The following TSPAN10 variants were observed in gnomAD, a reference collection of about 807,000 sequenced individuals.
TSPAN10 encodes tetraspanin-10.
In TSPAN10, 11 loss-of-function variants were observed where a neutral mutation model predicts 15.0. That is an observed-to-expected ratio of 0.73 (90% CI 0.46 to 1.21). The LOEUF (loss-of-function observed/expected upper bound fraction) is 1.21. Among genes scored for constraint, TSPAN10 ranks in the 50% most tolerant of loss-of-function variants. The probability of loss-of-function intolerance (pLI) is 0.00; values close to 1 mark genes in which losing one functional copy is unlikely to be tolerated. For missense variants in TSPAN10, 486 were observed against 470.6 expected (o/e 1.03, Z -0.30); for synonymous variants, 241 against 226.2 (o/e 1.07, Z -0.59).
At chr17:81,642,283 T>A (rs150474801), upstream of TSPAN10, 1,303 of 1,017,172 alleles carry the variant, frequency 1.3e-3, 14 homozygotes, top group African/African-American at 0.019. Context: ...CCCATTCCCA[T>A]GCCCAGGGCT....
chr17:81,647,848 C>G (rs1180089601), intron 2 of TSPAN10, 53 bp from the exon 4 acceptor site: 63 of 1,557,674 alleles, frequency 4.0e-5, no homozygotes, highest in Non-Finnish European at 5.3e-5. Context: ...TGTGCCTGGT[C>G]CCAGAAGAGC....
Position 81,645,573 on chromosome 17 carries a change from C to T in TSPAN10, c.618C>T (p.Val206=), listed in dbSNP as rs35665020. 8,583 of 1,612,526 alleles carry T rather than the reference C, an allele frequency of 5.3e-3. 47 individuals carry two copies. Among genetic ancestry groups the T allele is most frequent in the Middle Eastern group, 8.7e-3 (53 of 6,060 alleles). ...ACCTGCGCTTCCTCCTCGACCAAGT[C>T]CAGCTCGGGCTGAGGTGCTGCGGAG... Residue 206 remains valine (V), a synonymous_variant, in exon 2 of 3, where the codon GTC becomes GTT. Transcript: ENST00000611590.
exon 3 of TSPAN10, chr17:81,648,049 T>A: frequency 6.3e-7 from 1 of 1,588,910 alleles, no homozygotes; most frequent in Non-Finnish European, 8.5e-7. Flanking sequence ...GAGAGTGGTG[T>A]ACCTGGAGGG....
At chr17:81,645,412 T>G in exon 2 of TSPAN10, 1 of 1,603,648 alleles carries the variant, frequency 6.2e-7, no homozygotes, top group Non-Finnish European at 8.5e-7. Context: ...GTTACGTGGC[T>G]TCTCTGGGGG....
At chr17:81,645,115 C>T (rs1271963200) in exon 2 of TSPAN10, 7 of 1,586,072 alleles carry the variant, frequency 4.4e-6, no homozygotes, top group African/African-American at 1.4e-5. Flanking sequence ...GGAGACCAAG[C>T]ACCAGGCCTT....
At chr17:81,638,994 C>T (rs7220155), upstream of TSPAN10, 77,015 of 151,772 alleles carry the variant, frequency 0.51, 21,444 homozygotes, top group East Asian at 0.99. Context: ...AGGGCTGTTA[C>T]CATCTTTGTT....
upstream of TSPAN10, chr17:81,639,171 C>T (rs1182512240): frequency 1.3e-5 from 2 of 149,130 alleles, no homozygotes; most frequent in African/African-American, 5.0e-5. Flanking sequence ...AACAAAATCT[C>T]TCACAGACTG....
chr17:81,645,849 A>G, intron 2 of TSPAN10: 1 of 641,708 alleles, frequency 1.6e-6, no homozygotes, highest in East Asian at 2.8e-5. Context: ...CTCTACACTG[A>G]CATGAACATG....
chr17:81,639,975 G>A (rs1490789866), upstream of TSPAN10, among the ~76,000 whole-genome samples: 3 of 148,518 alleles, frequency 2.0e-5, no homozygotes, highest in South Asian at 2.2e-4. Flanking sequence ...GCAAGACTCC[G>A]TCTCAAAAAA....
At chr17:81,647,163 AT>A (rs1272837989) in intron 2 of TSPAN10, among the ~76,000 whole-genome samples, 120 of 152,254 alleles carry the variant, frequency 7.9e-4, no homozygotes, top group African/African-American at 2.8e-3. Context: ...AAAGCACCAC[AT>A]AGGTTGGTTT....
Position 81,643,963 on chromosome 17 carries a change from C to T in TSPAN10, c.37-1029C>T, listed in dbSNP as rs532909461. Among the ~76,000 whole-genome samples, 10 of 152,044 alleles carry T rather than the reference C, an allele frequency of 6.6e-5. No homozygotes were observed. In the East Asian group the frequency reaches 1.9e-3, roughly 29 times the overall value. ...CAAGCGATTCTCCTGCCTCAGCCTCCCAAGTAGCTGGGATTACAGGTGTGT... is the reference window on the plus strand; with the variant it reads ...CAAGCGATTCTCCTGCCTCAGCCTCTCAAGTAGCTGGGATTACAGGTGTGT... On this transcript the variant is annotated intron_variant, in intron 1 of 2. Transcript: ENST00000611590.
At chr17:81,637,433 G>T, upstream of TSPAN10, 1 of 691,104 alleles carries the variant, frequency 1.4e-6, no homozygotes, top group Non-Finnish European at 2.6e-6. Flanking sequence ...TTTCAGGAAG[G>T]CAGGATCACA....
At chr17:81,645,829 C>G in intron 2 of TSPAN10, 200 bp downstream of exon 3, 2 of 690,366 alleles carry the variant, frequency 2.9e-6, no homozygotes, top group Admixed American at 2.5e-5. Flanking sequence ...GGACACACAC[C>G]TACACACTCC....
chr17:81,645,157 TC>T lies in TSPAN10; in HGVS notation c.205del (p.Leu69SerfsTer11). 6.4e-7 allele frequency: 1 copy of T among 1,563,320 alleles called. No homozygotes were observed. ...CACCCCCAAGAAAGGACCAGCCCCTTCCCTCTCCCCAGGGAGCAGCTGCGTC... is the reference window on the plus strand; with the variant it reads ...CACCCCCAAGAAAGGACCAGCCCCTTCCTCTCCCCAGGGAGCAGCTGCGTC... On this transcript the variant is annotated frameshift_variant, in exon 2 of 3. Transcript: ENST00000611590. LOFTEE classifies it high-confidence loss of function.
chr17:81,648,112 G>A lies in TSPAN10; in HGVS notation c.886G>A (p.Gly296Ser), dbSNP rs772260510. 36 of 1,566,132 alleles carry A rather than the reference G, an allele frequency of 2.3e-5. No homozygotes were observed. In the African/African-American group the frequency reaches 2.4e-4, roughly 11 times the overall value. The change falls in exon 3 of 3, where the codon GGC becomes AGC. Residue 296 changes from glycine (G) to serine (S), a missense_variant. By Grantham distance (56) the Gly-to-Ser change is moderately conservative (BLOSUM62 0). Transcript: ENST00000611590. ...GCGCGCGAACCTGGCTGCCTCGGGC[G>A]GCTACGCAATCGCGGTGGTGCTGCT...
At chr17:81,644,901 G>T in intron 1 of TSPAN10, 91 bp from the exon 3 acceptor site, 1 of 1,544,274 alleles carries the variant, frequency 6.5e-7, no homozygotes. Context: ...ATCCCTCGAA[G>T]GCTCTGCCAC....
intron 2 of TSPAN10, among the ~76,000 whole-genome samples, chr17:81,647,134 G>A (rs570520986): frequency 1.3e-5 from 2 of 152,288 alleles, no homozygotes; most frequent in Admixed American, 6.5e-5. Context: ...GCTAACAGGC[G>A]GGTCCTTCCA....
chr17:81,638,246 A>C (rs1008318260), upstream of TSPAN10: 1 of 151,932 alleles, frequency 6.6e-6, no homozygotes, highest in Non-Finnish European at 1.5e-5. Flanking sequence ...TTTTATTACT[A>C]CTCAAAAAAA....
upstream of TSPAN10, among the ~76,000 whole-genome samples, chr17:81,640,210 C>G (rs2036166404): frequency 6.6e-6 from 1 of 152,162 alleles, no homozygotes; most frequent in South Asian, 2.1e-4. Context: ...TCTCTAACTA[C>G]TACTAGGTTC....
Sources: gnomAD v4.1 joint callset for allele counts (sites outside exome capture counted in the v4.1 genomes callset) on GRCh38, gnomAD v4.1.1 for gene constraint, MANE v1.5 for transcripts, NCBI Gene and HGNC (gene_info 2026-07-23, HGNC 2026-07-21) for gene names.